OPCML: variants seen among roughly 807,000 people sequenced by gnomAD.
OPCML encodes opioid binding protein/cell adhesion molecule like, also known as opioid-binding protein/cell adhesion molecule.
Under a neutral mutation model 37.8 loss-of-function variants are expected in OPCML, and 13 were observed. The observed-to-expected ratio is 0.34, with a 90% CI of 0.22 to 0.55. The LOEUF (loss-of-function observed/expected upper bound fraction) is 0.55. Among genes scored for constraint, OPCML ranks in the 20% least tolerant of loss-of-function variants. The pLI, the probability that OPCML is intolerant of heterozygous loss-of-function variation, is 0.91. For missense variants in OPCML, 341 were observed against 435.6 expected (o/e 0.78, Z 1.93); for synonymous variants, 176 against 168.8 (o/e 1.04, Z -0.33).
At chr11:133,120,460 T>C (rs998050660) in intron 1 of OPCML, among the ~76,000 whole-genome samples, 6 of 152,186 alleles carry the variant, frequency 3.9e-5, no homozygotes, top group Admixed American at 2.0e-4. Flanking sequence ...ACTTACCCCA[T>C]GCCAGACACA....
rs182817799 is a variant in OPCML at position 133,480,497 on chromosome 11, A to T, written c.61+51767T>A. 2.8e-3 allele frequency among the ~76,000 whole-genome samples: 431 copies of T among 152,268 alleles called. 3 individuals carry two copies. The highest frequency in any genetic ancestry group is 1.0e-2 in the African/African-American group (415 of 41,558). ...CTTCCACTTGCTCGCCACGTGACTT[A>T]AGAGCCACAGTGTCTGGTTTATGAT... On this transcript the variant is annotated intron_variant, in intron 1 of 7. Transcript: ENST00000524381.
At chr11:132,723,007 G>C (rs1260069741) in intron 2 of OPCML, among the ~76,000 whole-genome samples, 1 of 152,124 alleles carries the variant, frequency 6.6e-6, no homozygotes, top group Non-Finnish European at 1.5e-5. Context: ...TGATATTCTG[G>C]AGCTGCCTCT....
chr11:132,553,345 C>A (rs1177412845), intron 3 of OPCML, among the ~76,000 whole-genome samples: 1 of 152,186 alleles, frequency 6.6e-6, no homozygotes, highest in Non-Finnish European at 1.5e-5. Context: ...ATAGGCATGG[C>A]TGTTTGCCTT....
chr11:133,108,091 G>A (rs540939180), intron 1 of OPCML, among the ~76,000 whole-genome samples: 1 of 152,322 alleles, frequency 6.6e-6, no homozygotes, highest in South Asian at 2.1e-4. Flanking sequence ...TTTATGGCAG[G>A]AGAGGGTTCA....
intron 4 of OPCML, among the ~76,000 whole-genome samples, chr11:132,442,223 TG>T (rs2096038343): frequency 1.3e-5 from 2 of 152,222 alleles, no homozygotes; most frequent in Non-Finnish European, 2.9e-5. Flanking sequence ...TTTAGTTCTT[TG>T]TCATTTCTAG....
intron 1 of OPCML, among the ~76,000 whole-genome samples, chr11:133,020,765 A>G (rs1249254647): frequency 2.6e-5 from 4 of 152,250 alleles, no homozygotes; most frequent in Non-Finnish European, 5.9e-5. Context: ...GTTCAAAAAA[A>G]TGACTTAATG....
chr11:132,604,238 T>C (rs1006161498), intron 3 of OPCML, among the ~76,000 whole-genome samples: 1 of 152,042 alleles, frequency 6.6e-6, no homozygotes, highest in Non-Finnish European at 1.5e-5. Flanking sequence ...GGAGTCTTGG[T>C]TTGGGAACCA....
chr11:133,421,368 C>A, intron 1 of OPCML: 1 of 985,390 alleles, frequency 1.0e-6, no homozygotes, highest in Middle Eastern at 5.2e-4. Context: ...AGATGGAGAA[C>A]AGGGTGTCAC....
chr11:132,481,272 G>A (rs554303865), intron 4 of OPCML, among the ~76,000 whole-genome samples: 5 of 152,206 alleles, frequency 3.3e-5, no homozygotes, highest in South Asian at 4.2e-4. Flanking sequence ...TGCAATCCTA[G>A]TCTCTGATAA....
intron 2 of OPCML, among the ~76,000 whole-genome samples, chr11:132,700,437 C>T (rs1488593302): frequency 6.6e-6 from 1 of 152,026 alleles, no homozygotes; most frequent in Non-Finnish European, 1.5e-5. Context: ...AATATCTCCA[C>T]TTGAAGCTGT....
chr11:133,070,975 C>T (rs1000299828), intron 1 of OPCML, among the ~76,000 whole-genome samples: 4 of 152,184 alleles, frequency 2.6e-5, no homozygotes, highest in African/African-American at 4.8e-5. Flanking sequence ...AAGGCCTTTC[C>T]CAGCCACTGA....
rs71887729 is a variant in OPCML at position 133,475,224 on chromosome 11, G to GT, written c.61+57039dup. 3.8e-3 allele frequency among the ~76,000 whole-genome samples: 524 copies of GT among 136,182 alleles called. 2 individuals are homozygous for GT. Among genetic ancestry groups the GT allele is most frequent in the South Asian group, 8.2e-3 (38 of 4,638 alleles). The allele number at this position is 136,182 out of a possible 152,430, so 89.3% of individuals were successfully genotyped here. The stretch of plus-strand genomic sequence containing the variant: ...TTTGTTTTTGTGGTTTTTTTTTGTT[G>GT]TTTTTTTGTTGTTGTTGTTGTTTTG... On this transcript the variant is annotated intron_variant, in intron 1 of 7. Coordinates refer to ENST00000524381, the MANE Select transcript of OPCML (RefSeq NM_001012393.5).
intron 1 of OPCML, among the ~76,000 whole-genome samples, chr11:133,498,490 G>A (rs888330046): frequency 2.0e-5 from 3 of 152,186 alleles, no homozygotes; most frequent in Non-Finnish European, 2.9e-5. Flanking sequence ...ACAATATCGC[G>A]CAGGGCCCCT....
At chr11:132,771,740 T>C (rs1946641235) in intron 2 of OPCML, 1 of 152,240 alleles carries the variant, frequency 6.6e-6, no homozygotes, top group South Asian at 2.1e-4. Context: ...ACGCACAGCA[T>C]ATAAACTCAG....
At chr11:132,650,603 A>C (rs1050239899) in intron 3 of OPCML, among the ~76,000 whole-genome samples, 15 of 152,106 alleles carry the variant, frequency 9.9e-5, no homozygotes, top group African/African-American at 3.6e-4. Flanking sequence ...TACACACACA[A>C]AAAAAACACA....
At chr11:133,312,809 A>C (rs1456174785) in intron 1 of OPCML, among the ~76,000 whole-genome samples, 1 of 152,246 alleles carries the variant, frequency 6.6e-6, no homozygotes, top group African/African-American at 2.4e-5. Flanking sequence ...GATAAAAAGT[A>C]ATATAAACAG....
At chr11:133,336,876 A>C (rs1943755993) in intron 1 of OPCML, among the ~76,000 whole-genome samples, 1 of 152,236 alleles carries the variant, frequency 6.6e-6, no homozygotes, top group Non-Finnish European at 1.5e-5. Context: ...CAGAAGCTCA[A>C]GGGCAGGCTT....
chr11:132,447,563 G>A (rs1027328636), intron 4 of OPCML, among the ~76,000 whole-genome samples: 1 of 151,948 alleles, frequency 6.6e-6, no homozygotes, highest in Admixed American at 6.6e-5. Flanking sequence ...ACCTGCCTTG[G>A]CCTCCCAAAG....
intron 3 of OPCML, among the ~76,000 whole-genome samples, chr11:132,564,899 A>G (rs768194546): frequency 3.4e-4 from 52 of 152,278 alleles, no homozygotes; most frequent in Middle Eastern, 6.8e-3. Context: ...TTGCCTCCTC[A>G]TCTTATTAAT....
Sources: allele counts gnomAD v4.1 joint callset (sites outside exome capture counted in the v4.1 genomes callset), GRCh38; gene constraint gnomAD v4.1.1; transcripts MANE v1.5; gene names NCBI Gene and HGNC (gene_info 2026-07-23, HGNC 2026-07-21).